NR4A1: variants seen among roughly 807,000 people sequenced by gnomAD.
NR4A1 encodes nuclear receptor subfamily 4 group A member 1.
In NR4A1, 24 loss-of-function variants were observed where a neutral mutation model predicts 47.5. That is an observed-to-expected ratio of 0.50 (90% CI 0.37 to 0.71). The LOEUF is 0.71. NR4A1 is among the 30% of genes least tolerant of loss of function. The probability of loss-of-function intolerance (pLI) is 0.00; values close to 1 mark genes in which losing one functional copy is unlikely to be tolerated. For synonymous variants in NR4A1, 353 were observed against 345.7 expected (o/e 1.02, Z -0.24); for missense variants, 669 against 788.6 (o/e 0.85, Z 1.82).
upstream of NR4A1, among the ~76,000 whole-genome samples, chr12:52,048,401 T>C (rs969128915): frequency 2.6e-5 from 4 of 151,928 alleles, no homozygotes; most frequent in Non-Finnish European, 5.9e-5. Context: ...AAGACCATCC[T>C]GGCTAACACA....
At chr12:52,046,305 G>A (rs957252873) in intron 2 of NR4A1, among the ~76,000 whole-genome samples, 1 of 152,184 alleles carries the variant, frequency 6.6e-6, no homozygotes, top group Non-Finnish European at 1.5e-5. Context: ...TTACTACTGA[G>A]GATGCACAAA....
intron 1 of NR4A1, among the ~76,000 whole-genome samples, chr12:52,034,474 G>T (rs1369758177): frequency 1.7e-4 from 26 of 152,242 alleles, no homozygotes; most frequent in Non-Finnish European, 7.3e-5. Flanking sequence ...GGCCATGCAC[G>T]TTGTTCACCT....
chr12:52,038,809 G>A (rs1950101899), intron 1 of NR4A1: 2 of 752,778 alleles, frequency 2.7e-6, no homozygotes. Context: ...CGATTCCTGT[G>A]CTGAGGCCTC....
At position 52,058,941 on chromosome 12, in the gene NR4A1, C is replaced by A; in HGVS notation, c.1794C>A (p.Phe598Leu). 1 of 1,609,470 alleles carries A rather than the reference C, an allele frequency of 6.2e-7. No individual in the cohort carries two copies. The change falls in exon 7 of 7, where the codon TTC (phenylalanine) becomes TTA (leucine). Residue 598 changes from phenylalanine (F) to leucine (L), a missense_variant. Transcript: ENST00000394825. ...IDKIFMDTLP[F>L] is the part of the protein sequence containing the mutation. ...AGATCTTCATGGACACGCTGCCCTT[C>A]TGACCCCTGCCTGGGAACACGTGTG... is the stretch of plus-strand genomic sequence containing the variant.
In NR4A1 at chr12:52,057,499, C is replaced by T. The variant is rs545590997; in HGVS notation, c.1509C>T (p.Phe503=). 8.5e-5 allele frequency: 137 copies of T among 1,614,140 alleles called. 1 individual carries two copies. Among genetic ancestry groups the T allele is most frequent in the East Asian group, 2.5e-4 (11 of 44,874 alleles). The change falls in exon 6 of 7, where the codon TTC becomes TTT. Residue 503 remains phenylalanine (F), a synonymous_variant. Coordinates refer to ENST00000394825, the MANE Select transcript of NR4A1 (RefSeq NM_173157.3). ...GCTTGCTTGTCGATGTCCCTGCCTTCGCCTGCCTCTCTGCCCTTGTCCTCA... is the reference window on the plus strand; with the variant it reads ...GCTTGCTTGTCGATGTCCCTGCCTTTGCCTGCCTCTCTGCCCTTGTCCTCA... The part of the protein sequence containing the change: ...LHSLLVDVPA[F]ACLSALVLIT...
At position 52,054,826 on chromosome 12, in the gene NR4A1, T is replaced by C; in HGVS notation, c.498T>C (p.Thr166=). 6.2e-7 allele frequency: 1 copy of C among 1,613,786 alleles called. No homozygotes were observed. ...TCGGCCACTTCTCGCCCAGCCAGAC[T>C]TACGAAGGCCTGCGGGCATGGACAG... is the stretch of plus-strand genomic sequence containing the variant. ...GSFGHFSPSQ[T]YEGLRAWTEQ... is the part of the protein sequence containing the mutation. Residue 166 remains threonine, a synonymous_variant, in exon 2 of 7, where the codon ACT becomes ACC. Transcript: ENST00000394825.
upstream of NR4A1, among the ~76,000 whole-genome samples, chr12:52,048,350 T>C (rs1360234841): frequency 6.6e-6 from 1 of 151,776 alleles, no homozygotes; most frequent in African/African-American, 2.4e-5. Context: ...ATCCCAGCAC[T>C]TTGGGAGGCC....
chr12:52,054,138 A>C (rs1939117789), intron 1 of NR4A1, 189 bp from the exon 2 acceptor site: 1 of 586,544 alleles, frequency 1.7e-6, no homozygotes, highest in African/African-American at 1.9e-5. Context: ...GCTTTGTGGC[A>C]CCTAGGTCGA....
chr12:52,047,001 G>T (rs150552528), upstream of NR4A1, among the ~76,000 whole-genome samples: 1 of 152,192 alleles, frequency 6.6e-6, no homozygotes, highest in South Asian at 2.1e-4. Flanking sequence ...GGTGATGAGG[G>T]CAGATGGATA....
At chr12:52,032,054 C>T (rs898350749) in intron 1 of NR4A1, among the ~76,000 whole-genome samples, 5 of 152,100 alleles carry the variant, frequency 3.3e-5, no homozygotes, top group Non-Finnish European at 7.4e-5. Flanking sequence ...CCTCGGCCTC[C>T]CAAAGTGCTG....
At chr12:52,044,913 T>C (rs1331041900) in intron 2 of NR4A1, among the ~76,000 whole-genome samples, 3 of 151,840 alleles carry the variant, frequency 2.0e-5, no homozygotes, top group Non-Finnish European at 4.4e-5. Flanking sequence ...CCCCGTCTGG[T>C]GGTTCTTCCT....
chr12:52,037,294 G>A, intron 1 of NR4A1: 1 of 848,838 alleles, frequency 1.2e-6, no homozygotes, highest in Non-Finnish European at 1.4e-6. Flanking sequence ...AGGTGGCGGC[G>A]GCGGCGGAAC....
chr12:52,037,570 G>GT (rs1309151755), intron 1 of NR4A1: 2 of 983,766 alleles, frequency 2.0e-6, no homozygotes, highest in Non-Finnish European at 2.4e-6. Context: ...GGGAGTCGGG[G>GT]GGGGGACTGG....
At chr12:52,040,486 G>A (rs1366238475) in intron 1 of NR4A1, among the ~76,000 whole-genome samples, 3 of 152,152 alleles carry the variant, frequency 2.0e-5, no homozygotes, top group African/African-American at 7.2e-5. Flanking sequence ...GGATGACACT[G>A]TCATCCTGGA....
At chr12:52,045,485 C>T (rs1157203575) in intron 2 of NR4A1, 2 of 451,076 alleles carry the variant, frequency 4.4e-6, no homozygotes, top group African/African-American at 2.0e-5. Context: ...TACAGGTTTC[C>T]CATGACAGTG....
chr12:52,039,212 T>C (rs1188245509), intron 1 of NR4A1, among the ~76,000 whole-genome samples: 2 of 152,230 alleles, frequency 1.3e-5, no homozygotes, highest in Non-Finnish European at 2.9e-5. Flanking sequence ...TGGCACATGT[T>C]GTTTAACAAA....
At chr12:52,024,188 T>A (rs1427569167) in intron 1 of NR4A1, among the ~76,000 whole-genome samples, 1 of 152,128 alleles carries the variant, frequency 6.6e-6, no homozygotes, top group Non-Finnish European at 1.5e-5. Context: ...AGGGCAGTCT[T>A]TTGCCTTCTG....
At chr12:52,041,869 T>G in exon 2 of NR4A1, 1 of 1,529,786 alleles carries the variant, frequency 6.5e-7, no homozygotes, top group Non-Finnish European at 8.8e-7. Context: ...CTCCTTCTGC[T>G]GGGCCCTGAA....
intron 2 of NR4A1, chr12:52,043,905 G>C (rs1384206340): frequency 1.6e-6 from 2 of 1,289,274 alleles, no homozygotes; most frequent in Non-Finnish European, 1.0e-6. Context: ...TCGTGAGGAG[G>C]AAGCTGGTGA....
Sources: allele counts gnomAD v4.1 joint callset (sites outside exome capture counted in the v4.1 genomes callset), GRCh38; gene constraint gnomAD v4.1.1; transcripts MANE v1.5; gene names NCBI Gene and HGNC (gene_info 2026-07-23, HGNC 2026-07-21).